DPY19L3: variants seen among roughly 807,000 people sequenced by gnomAD.
The protein encoded by DPY19L3 is protein C-mannosyl-transferase DPY19L3.
Under a neutral mutation model 92.3 loss-of-function variants are expected in DPY19L3, and 51 were observed. The ratio of observed to expected loss-of-function variants is 0.55; its 90% CI spans 0.44 to 0.70. The LOEUF (loss-of-function observed/expected upper bound fraction) is 0.70. Among genes scored for constraint, DPY19L3 ranks in the 30% least tolerant of loss-of-function variants. DPY19L3 has a pLI of 0.00. For synonymous variants in DPY19L3, 309 were observed against 315.2 expected (o/e 0.98, Z 0.21); for missense variants, 706 against 855.9 (o/e 0.82, Z 2.18).
rs758761946 is a variant in DPY19L3, at chr19:32,436,421, T to C, written c.329-25T>C. On this transcript the variant is annotated intron_variant, in intron 4 of 18. Coordinates refer to ENST00000392250, the MANE Select transcript of DPY19L3 (RefSeq NM_001172774.2). The stretch of plus-strand genomic sequence containing the variant: ...AATAATTATGAGTGTAATTATTTTC[T>C]TCCTGACTTTTCACATATCTATAGG... 8 of 1,431,326 alleles carry C rather than the reference T, an allele frequency of 5.6e-6. No individual in the cohort carries two copies. The South Asian group carries it at 8.1e-5, about 14-fold the overall frequency. The allele number at this position is 1,431,326 out of a possible 1,614,324, so 88.7% of individuals were successfully genotyped here. A position where few individuals can be genotyped will look rare whatever the true frequency, so the allele number is the denominator to read the frequency against.
In DPY19L3 at chr19:32,412,137, AAAT is replaced by A. The variant is rs946415641; in HGVS notation, c.237+767_237+769del. On this transcript the variant is annotated intron_variant, in intron 3 of 18. Coordinates refer to ENST00000392250, the MANE Select transcript of DPY19L3 (RefSeq NM_001172774.2). Reference sequence around the variant, plus strand: ...GCGATCCTACTGCCCTGGTCTTCCAAAATATGAGAATGAGCCATAGCACCCAGC... The same window carrying A: ...GCGATCCTACTGCCCTGGTCTTCCAAATGAGAATGAGCCATAGCACCCAGC... 2.0e-4 allele frequency: 30 copies of A among 152,300 alleles called. 1 individual carries two copies. Among genetic ancestry groups the A allele is most frequent in the African/African-American group, 7.0e-4 (29 of 41,576 alleles). 9.4% of individuals were successfully genotyped at this position (152,300 alleles called of 1,614,324 possible).
chr19:32,436,424 C>T, intron 4 of DPY19L3, 22 bp from the exon 5 acceptor site: 1 of 1,437,424 alleles, frequency 7.0e-7, no homozygotes, highest in Non-Finnish European at 9.4e-7. Flanking sequence ...TATTTTCTTC[C>T]TGACTTTTCA....
chr19:32,463,152 T>C (rs1321756634), intron 12 of DPY19L3, among the ~76,000 whole-genome samples: 3 of 152,192 alleles, frequency 2.0e-5, no homozygotes, highest in Non-Finnish European at 4.4e-5. Flanking sequence ...AAAGCTGCTG[T>C]GAAATTTCAG....
rs1003379411 is a variant in DPY19L3 at position 32,485,167 on chromosome 19, T to C, written c.*2927T>C. The stretch of plus-strand genomic sequence containing the variant: ...CACAGTTTAGGTTATGATTCCCTAC[T>C]TTAACCTACTTACTTTATTAAATGA... On this transcript the variant is annotated 3_prime_UTR_variant, in exon 19 of 19. Transcript: ENST00000392250. 7.2e-5 allele frequency: 11 copies of C among 152,234 alleles called. No individual in the cohort carries two copies. Among genetic ancestry groups the C allele is most frequent in the Non-Finnish European group, 1.5e-4 (10 of 68,052 alleles). 9.4% of individuals were successfully genotyped at this position (152,234 alleles called of 1,614,324 possible).
intron 8 of DPY19L3, among the ~76,000 whole-genome samples, chr19:32,440,999 A>G (rs1340751202): frequency 6.6e-6 from 1 of 152,144 alleles, no homozygotes; most frequent in East Asian, 1.9e-4. Flanking sequence ...TTATATATGT[A>G]TATGAAATGT....
chr19:32,461,271 A>T (rs1970032321), intron 12 of DPY19L3, among the ~76,000 whole-genome samples: 1 of 152,106 alleles, frequency 6.6e-6, no homozygotes, highest in African/African-American at 2.4e-5. Context: ...GATGACAGGC[A>T]TGAGCCACTG....
intron 12 of DPY19L3, among the ~76,000 whole-genome samples, chr19:32,462,355 C>T (rs1389987010): frequency 1.3e-5 from 2 of 152,118 alleles, no homozygotes; most frequent in African/African-American, 4.8e-5. Context: ...CATCATGCAA[C>T]ACAGAATAGC....
rs569828048 is a variant in DPY19L3, at chr19:32,482,013, G to A, written c.1990-66G>A. Reference sequence around the variant, plus strand: ...ATTCTTAAACCCAATACCCATTCCTGCTCCTACTGTCTTTTGTAAATAGAA... The same window carrying A: ...ATTCTTAAACCCAATACCCATTCCTACTCCTACTGTCTTTTGTAAATAGAA... On this transcript the variant is annotated intron_variant, in intron 18 of 18. Transcript: ENST00000392250. The A allele has an allele frequency of 3.8e-6, 6 of 1,560,022 alleles. No individual in the cohort carries two copies. The South Asian group carries it at 7.0e-5, about 18-fold the overall frequency.
intron 8 of DPY19L3, among the ~76,000 whole-genome samples, chr19:32,444,177 A>T (rs183812410): frequency 1.5e-5 from 2 of 135,930 alleles, no homozygotes; most frequent in Non-Finnish European, 3.1e-5. Context: ...CAGCCATCAT[A>T]AAAAAAAAGC....
chr19:32,470,304 T>A (rs977037517), intron 16 of DPY19L3, among the ~76,000 whole-genome samples: 2 of 152,258 alleles, frequency 1.3e-5, no homozygotes, highest in African/African-American at 4.8e-5. Flanking sequence ...TAATTACTTT[T>A]GCATTAACTA....
chr19:32,439,713 C>T (rs1969263414), intron 7 of DPY19L3, 63 bp from the exon 8 acceptor site: 1 of 1,561,242 alleles, frequency 6.4e-7, no homozygotes. Context: ...CTTGAGAAAA[C>T]TTGTCTGCAA....
At chr19:32,466,339 C>G (rs1484022697) in intron 15 of DPY19L3, among the ~76,000 whole-genome samples, 1 of 152,172 alleles carries the variant, frequency 6.6e-6, no homozygotes, top group African/African-American at 2.4e-5. Context: ...GCCTGGGAGT[C>G]CAGTACAGAA....
chr19:32,442,186 A>AGCAGT (rs1774445936), intron 8 of DPY19L3, among the ~76,000 whole-genome samples: 1 of 152,248 alleles, frequency 6.6e-6, no homozygotes, highest in Non-Finnish European at 1.5e-5. Flanking sequence ...GGTGACAAGA[A>AGCAGT]GCAGTACCTT....
At chr19:32,420,267 G>A (rs1968524386) in intron 3 of DPY19L3, among the ~76,000 whole-genome samples, 2 of 152,116 alleles carry the variant, frequency 1.3e-5, no homozygotes, top group Admixed American at 6.6e-5. Context: ...TGGGGCTGAG[G>A]GGTATGGGGT....
rs899726982 is a variant in DPY19L3, at chr19:32,456,079, CTTTTTTTTTTTTT to C, written c.1089+1048_1089+1060del. 1.5e-4 allele frequency among the ~76,000 whole-genome samples: 16 copies of C among 103,402 alleles called. No homozygotes were observed. In the Admixed American group the frequency reaches 1.7e-3, roughly 11 times the overall value. The allele number at this position is 103,402 out of a possible 152,430, so 67.8% of individuals were successfully genotyped here. ...CAGCCAGTCACTATGTCACTATGTTCTTTTTTTTTTTTTTTTTTTTTGGACAGGGTCTCTCACC... is the reference window on the plus strand; with the variant it reads ...CAGCCAGTCACTATGTCACTATGTTCTTTTTTTTGGACAGGGTCTCTCACC... On this transcript the variant is annotated intron_variant, in intron 10 of 18. Transcript: ENST00000392250.
chr19:32,452,998 C>T (rs1298272443), intron 8 of DPY19L3, 147 bp from the exon 9 acceptor site: 16 of 928,704 alleles, frequency 1.7e-5, no homozygotes, highest in South Asian at 3.2e-5. Flanking sequence ...TGAGCCACCG[C>T]GCCTGGCCTA....
chr19:32,467,809 T>C, intron 15 of DPY19L3: 3 of 980,876 alleles, frequency 3.1e-6, no homozygotes, highest in Non-Finnish European at 3.6e-6. Flanking sequence ...ATAAAAACAA[T>C]TAAGATTTAG....
intron 8 of DPY19L3, among the ~76,000 whole-genome samples, chr19:32,443,158 C>T (rs1287410449): frequency 6.6e-6 from 1 of 152,100 alleles, no homozygotes; most frequent in Non-Finnish European, 1.5e-5. Context: ...TCTGTTTCTC[C>T]CAGCCAGCAT....
chr19:32,455,679 T>C (rs908511582), intron 10 of DPY19L3, among the ~76,000 whole-genome samples: 2 of 152,234 alleles, frequency 1.3e-5, no homozygotes, highest in Admixed American at 6.5e-5. Context: ...AACTGACTTA[T>C]ATGCAACAGG....
Sources: gnomAD v4.1 joint callset for allele counts (sites outside exome capture counted in the v4.1 genomes callset) on GRCh38, gnomAD v4.1.1 for gene constraint, MANE v1.5 for transcripts, NCBI Gene and HGNC (gene_info 2026-07-23, HGNC 2026-07-21) for gene names.